Variants in PDE4D observed in about 807,000 individuals in gnomAD.
PDE4D encodes phosphodiesterase 4D, also known as 3',5'-cyclic-AMP phosphodiesterase 4D.
In PDE4D, 24 loss-of-function variants were observed where a neutral mutation model predicts 87.4. That is an observed-to-expected ratio of 0.27 (90% CI 0.20 to 0.39). PDE4D has a LOEUF of 0.39. PDE4D is among the 10% of genes least tolerant of loss of function. PDE4D has a pLI of 1.00. For missense variants in PDE4D, 714 were observed against 1,041.0 expected (o/e 0.69, Z 4.32); for synonymous variants, 384 against 383.2 (o/e 1.00, Z -0.02).
intron 1 of PDE4D, among the ~76,000 whole-genome samples, chr5:59,392,503 CTA>C (rs3061702): frequency 0.087 from 12,069 of 138,956 alleles, 717 homozygotes; most frequent in South Asian, 0.2. Flanking sequence ...GTGTGTGTGT[CTA>C]TATATATATA....
chr5:59,156,276 G>A (rs959522933), intron 5 of PDE4D, among the ~76,000 whole-genome samples: 12 of 144,186 alleles, frequency 8.3e-5, no homozygotes, highest in Admixed American at 7.2e-5. Flanking sequence ...TTTGCTTAAA[G>A]GAGATTGAAA....
At chr5:59,806,184 C>A (rs1369241247) in intron 1 of PDE4D, among the ~76,000 whole-genome samples, 5 of 152,194 alleles carry the variant, frequency 3.3e-5, no homozygotes, top group Non-Finnish European at 7.3e-5. Flanking sequence ...ACTGAGGGAG[C>A]TTCACTCAGA....
At chr5:60,441,422 T>C (rs1277310771) in intron 1 of PDE4D, among the ~76,000 whole-genome samples, 1 of 152,074 alleles carries the variant, frequency 6.6e-6, no homozygotes, top group African/African-American at 2.4e-5. Context: ...CCTTACCCCT[T>C]ATCAAAAATT....
chr5:59,146,085 C>A (rs946945881), intron 5 of PDE4D, among the ~76,000 whole-genome samples: 1 of 152,170 alleles, frequency 6.6e-6, no homozygotes, highest in Non-Finnish European at 1.5e-5. Flanking sequence ...TGAGATCCTG[C>A]CACTGCACTC....
At chr5:59,473,083 G>GAAAAA (rs10573988) in intron 1 of PDE4D, among the ~76,000 whole-genome samples, 8 of 92,116 alleles carry the variant, frequency 8.7e-5, no homozygotes, top group Non-Finnish European at 1.4e-4. Context: ...GCTTTCTCAT[G>GAAAAA]AAAAAAAAAA....
At chr5:59,838,788 A>G (rs1235394364) in intron 1 of PDE4D, among the ~76,000 whole-genome samples, 1 of 152,048 alleles carries the variant, frequency 6.6e-6, no homozygotes, top group Non-Finnish European at 1.5e-5. Context: ...AAACAGTCAC[A>G]TATGTTGGTG....
intron 6 of PDE4D, among the ~76,000 whole-genome samples, chr5:59,015,560 A>C (rs1270577607): frequency 1.3e-5 from 2 of 152,018 alleles, no homozygotes; most frequent in Non-Finnish European, 2.9e-5. Context: ...AATGCAAATC[A>C]AAACCACAAT....
intron 1 of PDE4D, among the ~76,000 whole-genome samples, chr5:60,359,733 A>G (rs189053951): frequency 2.7e-3 from 413 of 152,312 alleles, no homozygotes; most frequent in African/African-American, 9.8e-3. Flanking sequence ...TGCCTTTCCC[A>G]AAGCTGTTGT....
chr5:59,646,957 C>T (rs935688758), intron 1 of PDE4D, among the ~76,000 whole-genome samples: 11 of 152,112 alleles, frequency 7.2e-5, no homozygotes, highest in Non-Finnish European at 1.3e-4. Flanking sequence ...ATCGCTTGAA[C>T]CCGGGAGGTG....
intron 1 of PDE4D, among the ~76,000 whole-genome samples, chr5:60,513,261 G>T (rs886791053): frequency 1.3e-5 from 2 of 151,996 alleles, no homozygotes; most frequent in Non-Finnish European, 2.9e-5. Context: ...GAAAGAGGTC[G>T]CTATGCAGGC....
intron 1 of PDE4D, among the ~76,000 whole-genome samples, chr5:60,263,463 A>T (rs368952155): frequency 6.6e-6 from 1 of 152,200 alleles, no homozygotes; most frequent in African/African-American, 2.4e-5. Flanking sequence ...AATTAGTAAC[A>T]TCTCTAGAAT....
At chr5:59,400,936 G>A (rs1216683608) in intron 1 of PDE4D, among the ~76,000 whole-genome samples, 2 of 152,078 alleles carry the variant, frequency 1.3e-5, no homozygotes, top group African/African-American at 2.4e-5. Context: ...ATATATACAG[G>A]TTGAGCATCC....
At chr5:60,475,853 A>G (rs1027618549) in intron 1 of PDE4D, among the ~76,000 whole-genome samples, 1 of 149,766 alleles carries the variant, frequency 6.7e-6, no homozygotes, top group Non-Finnish European at 1.5e-5. Context: ...GACAATTACC[A>G]CCCGCATCAC....
intron 1 of PDE4D, among the ~76,000 whole-genome samples, chr5:59,864,249 A>G (rs892070613): frequency 2.0e-5 from 3 of 152,208 alleles, no homozygotes. Flanking sequence ...TTATAGAATT[A>G]AAAGCTTTAA....
intron 1 of PDE4D, among the ~76,000 whole-genome samples, chr5:59,598,761 C>G (rs956536705): frequency 2.6e-5 from 4 of 151,274 alleles, no homozygotes; most frequent in Admixed American, 2.0e-4. Flanking sequence ...AAACAGTGGA[C>G]TAGGACAGAA....
intron 2 of PDE4D, among the ~76,000 whole-genome samples, chr5:60,096,595 G>A (rs1016468042): frequency 6.6e-6 from 1 of 152,028 alleles, no homozygotes. Context: ...ACTTTAAGTT[G>A]TACTCCACCT....
chr5:59,000,452 A>G (rs781502076), intron 6 of PDE4D, among the ~76,000 whole-genome samples: 10 of 152,204 alleles, frequency 6.6e-5, no homozygotes, highest in Non-Finnish European at 1.3e-4. Flanking sequence ...AATGTCCAGA[A>G]TTCACAGATG....
chr5:60,120,005 T>C (rs1778529233), intron 2 of PDE4D, among the ~76,000 whole-genome samples: 1 of 152,136 alleles, frequency 6.6e-6, no homozygotes, highest in South Asian at 2.1e-4. Flanking sequence ...AGAAACTTAG[T>C]GGACTTGGCA....
intron 1 of PDE4D, among the ~76,000 whole-genome samples, chr5:60,350,482 C>T (rs1223594457): frequency 1.3e-5 from 2 of 152,148 alleles, no homozygotes; most frequent in African/African-American, 4.8e-5. Flanking sequence ...GAGCCATCCA[C>T]AGAAAGGGTC....
Sources: allele counts gnomAD v4.1 joint callset (sites outside exome capture counted in the v4.1 genomes callset), GRCh38; gene constraint gnomAD v4.1.1; transcripts MANE v1.5; gene names NCBI Gene and HGNC (gene_info 2026-07-23, HGNC 2026-07-21).